TRDN: variants seen among roughly 807,000 people sequenced by gnomAD.
TRDN encodes the protein triadin.
In TRDN, 161 loss-of-function variants were observed where a neutral mutation model predicts 149.7. The observed-to-expected ratio is 1.08, with a 90% CI of 0.95 to 1.23. TRDN has a LOEUF of 1.23. Ranked by LOEUF, TRDN falls within the 50% of genes most tolerant of loss-of-function variation. The pLI, the probability that TRDN is intolerant of heterozygous loss-of-function variation, is 0.00. For missense variants in TRDN, 896 were observed against 823.5 expected (o/e 1.09, Z -1.08); for synonymous variants, 294 against 250.5 (o/e 1.17, Z -1.64).
chr6:123,390,395 C>T lies in TRDN; in HGVS notation c.1106-1844G>A, dbSNP rs960878924. ...GTACATATGCATATAGAGATGCAAG[C>T]ATGCATGTATGCACATGTATCTTCT... On this transcript the variant is annotated intron_variant, in intron 13 of 40. Transcript: ENST00000334268. Among the ~76,000 whole-genome samples the T allele has an allele frequency of 8.5e-5, 13 of 152,234 alleles. No individual in the cohort carries two copies. In the South Asian group the frequency reaches 2.7e-3, roughly 32 times the overall value.
chr6:123,285,881 C>T (rs897379661), intron 24 of TRDN, among the ~76,000 whole-genome samples: 4 of 151,922 alleles, frequency 2.6e-5, no homozygotes, highest in African/African-American at 9.7e-5. Context: ...ACAAATAATT[C>T]TCAAAAGAAG....
intron 10 of TRDN, among the ~76,000 whole-genome samples, chr6:123,459,061 A>T (rs1415856157): frequency 1.3e-5 from 2 of 152,208 alleles, no homozygotes; most frequent in African/African-American, 4.8e-5. Flanking sequence ...CTCATAACAT[A>T]TTCCAAGAAA....
chr6:123,514,192 C>G (rs549206640), intron 6 of TRDN, among the ~76,000 whole-genome samples: 12 of 152,070 alleles, frequency 7.9e-5, no homozygotes, highest in African/African-American at 2.9e-4. Context: ...TGGCAAAAAC[C>G]CATCTCTACT....
chr6:123,356,193 G>A (rs1780662964), intron 20 of TRDN, among the ~76,000 whole-genome samples: 1 of 151,580 alleles, frequency 6.6e-6, no homozygotes, highest in Non-Finnish European at 1.5e-5. Flanking sequence ...TCCTTATTTT[G>A]TTTTGATTAG....
chr6:123,376,366 T>C (rs1781503895), intron 18 of TRDN, among the ~76,000 whole-genome samples: 1 of 152,178 alleles, frequency 6.6e-6, no homozygotes, highest in Non-Finnish European at 1.5e-5. Flanking sequence ...TATGAAATGC[T>C]GAAATGTGCA....
chr6:123,477,132 A>G (rs200978618), intron 9 of TRDN, among the ~76,000 whole-genome samples: 15,610 of 139,162 alleles, frequency 0.11, 1,174 homozygotes, highest in South Asian at 0.25. Context: ...CAACTACAAA[A>G]TGGGAGAAAA....
intron 22 of TRDN, among the ~76,000 whole-genome samples, chr6:123,332,819 A>G (rs1779712310): frequency 6.6e-6 from 1 of 152,016 alleles, no homozygotes; most frequent in African/African-American, 2.4e-5. Context: ...TGGAGATGCC[A>G]CTCTAGTAAA....
chr6:123,559,276 A>G (rs1490529816), intron 2 of TRDN, among the ~76,000 whole-genome samples: 1 of 152,158 alleles, frequency 6.6e-6, no homozygotes, highest in Non-Finnish European at 1.5e-5. Flanking sequence ...TGTTGTGGGT[A>G]TTGATGGCCA....
intron 30 of TRDN, 45 bp from the exon 31 acceptor site, chr6:123,269,911 A>C (rs747995176): frequency 3.2e-6 from 5 of 1,579,080 alleles, no homozygotes; most frequent in East Asian, 2.3e-5. Flanking sequence ...ATGAGTACAA[A>C]CCATGGAAAA....
rs148994548 is a variant in TRDN, at chr6:123,431,383, T to C, written c.1051+6680A>G. The stretch of plus-strand genomic sequence containing the variant: ...CAACTGCCCCAATATCACTCAAAAG[T>C]GTATGAATTATCTACATTTATAACT... On this transcript the variant is annotated intron_variant, in intron 12 of 40. Transcript: ENST00000334268. Among the ~76,000 whole-genome samples, 11 of 152,270 alleles carry C rather than the reference T, an allele frequency of 7.2e-5. No individual in the cohort carries two copies. In the East Asian group the frequency reaches 2.1e-3, roughly 29 times the overall value.
intron 4 of TRDN, among the ~76,000 whole-genome samples, chr6:123,544,520 C>G (rs768394053): frequency 5.3e-5 from 8 of 151,976 alleles, no homozygotes; most frequent in Non-Finnish European, 1.2e-4. Context: ...GCTAACAGAT[C>G]CATGATGTAT....
At chr6:123,572,554 T>C (rs534251509) in intron 1 of TRDN, among the ~76,000 whole-genome samples, 1 of 152,128 alleles carries the variant, frequency 6.6e-6, no homozygotes, top group African/African-American at 2.4e-5. Flanking sequence ...AACTATTTCA[T>C]GTTACATTTA....
intron 1 of TRDN, among the ~76,000 whole-genome samples, chr6:123,581,916 T>C (rs1056193234): frequency 1.3e-5 from 2 of 152,136 alleles, no homozygotes; most frequent in Non-Finnish European, 2.9e-5. Context: ...CAAAACCAGA[T>C]TGAAGAGATT....
intron 12 of TRDN, among the ~76,000 whole-genome samples, chr6:123,429,521 G>A (rs966799877): frequency 5.9e-5 from 9 of 152,026 alleles, no homozygotes; most frequent in Non-Finnish European, 8.8e-5. Flanking sequence ...GATATATAAC[G>A]ACAAAATTTG....
At chr6:123,415,886 T>C (rs1475844381) in intron 12 of TRDN, among the ~76,000 whole-genome samples, 2 of 152,212 alleles carry the variant, frequency 1.3e-5, no homozygotes, top group African/African-American at 2.4e-5. Context: ...GCGAATACTT[T>C]AGTCGAGTTT....
intron 1 of TRDN, among the ~76,000 whole-genome samples, chr6:123,608,161 A>C (rs1784607313): frequency 6.6e-6 from 1 of 152,180 alleles, no homozygotes; most frequent in African/African-American, 2.4e-5. Context: ...ATATGAACTC[A>C]GACAACATGG....
intron 9 of TRDN, among the ~76,000 whole-genome samples, chr6:123,483,104 T>TATTATC (rs1777831357): frequency 1.4e-5 from 2 of 146,564 alleles, no homozygotes; most frequent in South Asian, 4.3e-4. Context: ...TTATTATTAT[T>TATTATC]ATTATTATTA....
intron 1 of TRDN, among the ~76,000 whole-genome samples, chr6:123,628,586 G>A (rs1335016919): frequency 6.6e-6 from 1 of 152,104 alleles, no homozygotes; most frequent in South Asian, 2.1e-4. Flanking sequence ...GGTGGTGATA[G>A]CTTTATTCAT....
chr6:123,584,837 A>G lies in TRDN; in HGVS notation c.23-13705T>C, dbSNP rs565574770. On this transcript the variant is annotated intron_variant, in intron 1 of 40. Transcript: ENST00000334268. The stretch of plus-strand genomic sequence containing the variant: ...GTATTGAGGATAGGAGAGTATATGG[A>G]TTTGGAACCACGGGGTGGATAGGCA... 9.9e-4 allele frequency among the ~76,000 whole-genome samples: 150 copies of G among 152,178 alleles called. 1 individual carries two copies. The highest frequency in any genetic ancestry group is 2.9e-3 in the East Asian group (15 of 5,168).
Sources: gnomAD v4.1 joint callset for allele counts (sites outside exome capture counted in the v4.1 genomes callset) on GRCh38, gnomAD v4.1.1 for gene constraint, MANE v1.5 for transcripts, NCBI Gene and HGNC (gene_info 2026-07-23, HGNC 2026-07-21) for gene names.